The following MACROD2 variants were observed in gnomAD, a reference collection of about 807,000 sequenced individuals.
The protein encoded by MACROD2 is mono-ADP ribosylhydrolase 2.
A neutral mutation model predicts 70.4 loss-of-function variants in MACROD2; 36 were observed. That is an observed-to-expected ratio of 0.51 (90% CI 0.39 to 0.68). The LOEUF (loss-of-function observed/expected upper bound fraction) is 0.68, where lower values mean the gene tolerates loss of function less well. Among genes scored for constraint, MACROD2 ranks in the 30% least tolerant of loss-of-function variants. The probability of loss-of-function intolerance (pLI) is 0.00; values close to 1 mark genes in which losing one functional copy is unlikely to be tolerated. For synonymous variants in MACROD2, 172 were observed against 178.8 expected, an observed-to-expected ratio of 0.96 and a Z score of 0.30; for missense variants, 496 against 538.4, an observed-to-expected ratio of 0.92 and a Z score of 0.78.
At chr20:14,381,247 GCTAT>G (rs2083418303) in intron 3 of MACROD2, among the ~76,000 whole-genome samples, 1 of 152,104 alleles carries the variant, frequency 6.6e-6, no homozygotes, top group African/African-American at 2.4e-5. Context: ...AATAGACTAA[GCTAT>G]CTGAGACCTT....
Position 14,758,043 on chromosome 20 carries a change from GGC to G in MACROD2, c.418+73085_418+73086del, listed in dbSNP as rs1337094626. The G allele has an allele frequency of 6.1e-6, 4 of 658,340 alleles. No individual in the cohort carries two copies. The Admixed American group carries it at 8.7e-5, about 14-fold the overall frequency. The allele number at this position is 658,340 out of a possible 1,614,324, so 40.8% of individuals were successfully genotyped here. A position where few individuals can be genotyped will look rare whatever the true frequency, so the allele number is the denominator to read the frequency against. Reference sequence around the variant, plus strand: ...GGCGAATTTGGTCATGGACATGGTCGGCCACCTCAATAAATTTGGAGAGGGTT... The same window carrying G: ...GGCGAATTTGGTCATGGACATGGTCGCACCTCAATAAATTTGGAGAGGGTT... On this transcript the variant is annotated intron_variant, in intron 5 of 17. Coordinates refer to ENST00000684519, the MANE Select transcript of MACROD2 (RefSeq NM_001351661.2).
chr20:14,499,466 G>A (rs2084892474), intron 4 of MACROD2, among the ~76,000 whole-genome samples: 1 of 152,010 alleles, frequency 6.6e-6, no homozygotes, highest in Admixed American at 6.5e-5. Flanking sequence ...TCTGGACGTT[G>A]AGGCTGCAGT....
chr20:14,068,670 G>T (rs1411496128), intron 2 of MACROD2, among the ~76,000 whole-genome samples: 1 of 152,066 alleles, frequency 6.6e-6, no homozygotes, highest in African/African-American at 2.4e-5. Context: ...CAGGCAAAGG[G>T]CATTCTAAAG....
At chr20:14,468,523 G>C (rs1197011528) in intron 3 of MACROD2, among the ~76,000 whole-genome samples, 1 of 148,598 alleles carries the variant, frequency 6.7e-6, no homozygotes, top group African/African-American at 2.5e-5. Context: ...TTTTGGGGGG[G>C]GGCGTTGGGG....
intron 7 of MACROD2, among the ~76,000 whole-genome samples, chr20:15,484,640 T>G (rs2047142033): frequency 6.6e-6 from 1 of 152,182 alleles, no homozygotes; most frequent in Admixed American, 6.5e-5. Context: ...TGTTTCAAGA[T>G]GTTTCTTCTT....
At chr20:15,842,560 G>A (rs943237777) in intron 8 of MACROD2, among the ~76,000 whole-genome samples, 1 of 38,550 alleles carries the variant, frequency 2.6e-5, no homozygotes, top group Admixed American at 2.6e-4. Context: ...ACATTAATGG[G>A]AATATCAGAA....
intron 5 of MACROD2, among the ~76,000 whole-genome samples, chr20:15,207,657 G>T (rs1205327376): frequency 1.3e-5 from 2 of 151,486 alleles, no homozygotes; most frequent in African/African-American, 4.9e-5. Context: ...TAGCCAGGAT[G>T]GTCTCAAACT....
chr20:14,529,326 A>G (rs1435804063), intron 4 of MACROD2, among the ~76,000 whole-genome samples: 2 of 152,210 alleles, frequency 1.3e-5, no homozygotes, highest in African/African-American at 4.8e-5. Flanking sequence ...TATAATTAAG[A>G]ACCCAGGTCT....
rs545866118 is a variant in MACROD2 at position 15,558,753 on chromosome 20, G to A, written c.645+58906G>A. Among the ~76,000 whole-genome samples the A allele has an allele frequency of 3.9e-5, 6 of 152,286 alleles. No individual in the cohort carries two copies. In the South Asian group the frequency reaches 1.2e-3, roughly 32 times the overall value. On this transcript the variant is annotated intron_variant, in intron 8 of 17. Coordinates refer to ENST00000684519, the MANE Select transcript of MACROD2 (RefSeq NM_001351661.2). ...GAAAGAAAACTTCAGGCAGCCCACT[G>A]AATTCTAACTCTGTGTCTGAAATTC...
intron 2 of MACROD2, among the ~76,000 whole-genome samples, chr20:14,020,525 G>C (rs1387303991): frequency 2.0e-5 from 3 of 152,162 alleles, no homozygotes; most frequent in Non-Finnish European, 4.4e-5. Flanking sequence ...GTCTGGGCTT[G>C]TTTGTCATCT....
chr20:15,501,003 A>C (rs1056505687), intron 8 of MACROD2, among the ~76,000 whole-genome samples: 1 of 152,164 alleles, frequency 6.6e-6, no homozygotes, highest in African/African-American at 2.4e-5. Context: ...ACCTTATGAA[A>C]TCTCTAGGGT....
intron 4 of MACROD2, among the ~76,000 whole-genome samples, chr20:14,612,356 G>T (rs1983221038): frequency 6.6e-6 from 1 of 152,040 alleles, no homozygotes; most frequent in South Asian, 2.1e-4. Context: ...ATTCAATATA[G>T]GTGGCTTCCC....
intron 5 of MACROD2, among the ~76,000 whole-genome samples, chr20:14,925,783 C>T (rs922280851): frequency 5.3e-5 from 8 of 152,110 alleles, no homozygotes; most frequent in Non-Finnish European, 5.9e-5. Context: ...TATTTGCATT[C>T]GAATTGGTAC....
intron 2 of MACROD2, among the ~76,000 whole-genome samples, chr20:14,071,252 GTTTTTTTTTTT>G (rs59052053): frequency 3.1e-5 from 2 of 63,934 alleles, no homozygotes; most frequent in Admixed American, 2.1e-4. Context: ...TTCATCTTGT[GTTTTTTTTTTT>G]TTTTTTTTTT....
chr20:15,070,646 C>G (rs552536240), intron 5 of MACROD2, among the ~76,000 whole-genome samples: 114 of 152,206 alleles, frequency 7.5e-4, no homozygotes, highest in African/African-American at 2.4e-3. Flanking sequence ...TTTGCTCCTT[C>G]TCATCATGTG....
rs537221659 is a variant in MACROD2 at position 15,401,748 on chromosome 20, G to A, written c.541-29657G>A. Among the ~76,000 whole-genome samples the A allele has an allele frequency of 5.9e-5, 9 of 152,256 alleles. No individual in the cohort carries two copies. The South Asian group carries it at 8.3e-4, about 14-fold the overall frequency. ...CTGAATAACCAAGGGCTTTGAGGCC[G>A]ACTATAGAAAACAATAGAGAAATTG... On this transcript the variant is annotated intron_variant, in intron 6 of 17. Transcript: ENST00000684519.
intron 8 of MACROD2, among the ~76,000 whole-genome samples, chr20:15,517,887 G>A (rs2047591963): frequency 6.6e-6 from 1 of 152,208 alleles, no homozygotes; most frequent in Non-Finnish European, 1.5e-5. Context: ...AAATGCTAAT[G>A]GAGCAGGTTG....
intron 8 of MACROD2, among the ~76,000 whole-genome samples, chr20:15,668,035 AGGT>A (rs1252643853): frequency 2.0e-5 from 3 of 151,402 alleles, no homozygotes; most frequent in Non-Finnish European, 2.9e-5. Flanking sequence ...TGAGGTGGGT[AGGT>A]CACCTGAGGT....
At chr20:15,291,676 ATTAGT>A (rs1309233348) in intron 6 of MACROD2, among the ~76,000 whole-genome samples, 1 of 152,184 alleles carries the variant, frequency 6.6e-6, no homozygotes, top group Non-Finnish European at 1.5e-5. Context: ...AAGTATTATT[ATTAGT>A]TTAAAGAAAA....
Sources: gnomAD v4.1 joint callset for allele counts (sites outside exome capture counted in the v4.1 genomes callset) on GRCh38, gnomAD v4.1.1 for gene constraint, MANE v1.5 for transcripts, NCBI Gene and HGNC (gene_info 2026-07-23, HGNC 2026-07-21) for gene names.